The following RAD51C variants were observed in gnomAD, a reference collection of about 807,000 sequenced individuals.
RAD51C encodes DNA repair protein RAD51 homolog 3.
A neutral mutation model predicts 45.0 loss-of-function variants in RAD51C; 42 were observed. That is an observed-to-expected ratio of 0.93 (90% CI 0.73 to 1.21). The LOEUF (loss-of-function observed/expected upper bound fraction) is 1.21. Among genes scored for constraint, RAD51C ranks in the 50% most tolerant of loss-of-function variants. RAD51C has a pLI of 0.00. For missense variants in RAD51C, 474 were observed against 452.2 expected (o/e 1.05, Z -0.44); for synonymous variants, 172 against 159.8 (o/e 1.08, Z -0.58).
At chr17:58,706,541 T>C (rs2048385958) in intron 4 of RAD51C, 1 of 463,812 alleles carries the variant, frequency 2.2e-6, no homozygotes, top group Admixed American at 2.4e-5. Flanking sequence ...GCCCTGCCCC[T>C]TCCTCTCTCT....
chr17:58,697,421 A>G (rs1295037278), intron 3 of RAD51C, among the ~76,000 whole-genome samples: 1 of 151,894 alleles, frequency 6.6e-6, no homozygotes, highest in Non-Finnish European at 1.5e-5. Flanking sequence ...CTGTAATCTC[A>G]GCTACTAAGG....
chr17:58,704,764 C>G (rs2048323250), intron 4 of RAD51C, among the ~76,000 whole-genome samples: 2 of 152,054 alleles, frequency 1.3e-5, no homozygotes, highest in South Asian at 4.1e-4. Context: ...ACATATCGCC[C>G]TTCAGAAAGA....
At chr17:58,707,040 A>G (rs2048400529) in intron 4 of RAD51C, among the ~76,000 whole-genome samples, 2 of 152,186 alleles carry the variant, frequency 1.3e-5, no homozygotes, top group African/African-American at 4.8e-5. Context: ...TAAGTGGTCT[A>G]GGAGAAACCA....
At chr17:58,722,796 C>G (rs970357323) in intron 6 of RAD51C, among the ~76,000 whole-genome samples, 13 of 152,196 alleles carry the variant, frequency 8.5e-5, no homozygotes, top group Non-Finnish European at 1.0e-4. Context: ...GGATGCACAT[C>G]AAAATCTCAT....
At chr17:58,709,149 C>T (rs1394371765) in intron 4 of RAD51C, among the ~76,000 whole-genome samples, 1 of 139,904 alleles carries the variant, frequency 7.1e-6, no homozygotes, top group East Asian at 2.1e-4. Flanking sequence ...GGCTGGAGTA[C>T]AGTGGCGCAA....
chr17:58,706,658 T>C (rs1180316014), intron 4 of RAD51C: 4 of 284,758 alleles, frequency 1.4e-5, no homozygotes, highest in Non-Finnish European at 3.1e-5. Flanking sequence ...CACCATTCTT[T>C]CCTTTTCTTG....
rs1656747724 is a variant in RAD51C, at chr17:58,734,417, T to A, written c.*195T>A. 1.1e-6 allele frequency: 1 copy of A among 911,996 alleles called. No homozygotes were observed. Among genetic ancestry groups the A allele is most frequent in the African/African-American group, 1.7e-5 (1 of 59,436 alleles). The allele number at this position is 911,996 out of a possible 1,614,324, so 56.5% of individuals were successfully genotyped here. On this transcript the variant is annotated 3_prime_UTR_variant, in exon 9 of 9. Transcript: ENST00000337432. ...AAAGCAGTATTCTGCAATTATATTT[T>A]ACCCTGTTTTCATTTTCAGTAACAT...
At chr17:58,696,891 T>G (rs767061748) in intron 3 of RAD51C, 32 bp downstream of exon 3, 1 of 1,609,500 alleles carries the variant, frequency 6.2e-7, no homozygotes, top group African/African-American at 1.3e-5. Context: ...TTTTTTTCTG[T>G]ATTAATAAAA....
chr17:58,705,805 T>A (rs955820073), intron 4 of RAD51C: 7 of 35,290 alleles, frequency 2.0e-4, no homozygotes, highest in East Asian at 7.6e-4. Context: ...AGTTTGCCCC[T>A]GGCCCCTTGC....
chr17:58,707,049 C>T (rs1598480079), intron 4 of RAD51C, among the ~76,000 whole-genome samples: 1 of 152,232 alleles, frequency 6.6e-6, no homozygotes, highest in South Asian at 2.1e-4. Flanking sequence ...TAGGAGAAAC[C>T]AAGCCACTTC....
At chr17:58,704,401 T>C (rs2048312034) in intron 4 of RAD51C, among the ~76,000 whole-genome samples, 1 of 151,994 alleles carries the variant, frequency 6.6e-6, no homozygotes, top group Non-Finnish European at 1.5e-5. Context: ...GCCTCCCAAG[T>C]AGCTGGGACT....
chr17:58,726,679 T>C (rs144799298), intron 7 of RAD51C, among the ~76,000 whole-genome samples: 5 of 151,158 alleles, frequency 3.3e-5, no homozygotes. Flanking sequence ...TACGTATGTA[T>C]ATGTGTGTGT....
intron 5 of RAD51C, 127 bp downstream of exon 5, chr17:58,710,117 C>G: frequency 1.8e-6 from 2 of 1,110,482 alleles, no homozygotes; most frequent in Non-Finnish European, 2.6e-6. Context: ...AGTAAAGTTA[C>G]GTTTGGTTGG....
chr17:58,701,754 C>G (rs558727384), intron 3 of RAD51C, among the ~76,000 whole-genome samples: 1 of 151,070 alleles, frequency 6.6e-6, no homozygotes, highest in Non-Finnish European at 1.5e-5. Flanking sequence ...TATTTTTAGT[C>G]GAGATGTGTT....
At chr17:58,692,825 C>T (rs2143682725) in intron 1 of RAD51C, 37 bp downstream of exon 1, 2 of 1,613,776 alleles carry the variant, frequency 1.2e-6, no homozygotes, top group Non-Finnish European at 1.7e-6. Flanking sequence ...GCACACCGGC[C>T]GCCGTCAGCG....
At chr17:58,717,159 C>A (rs912010716) in intron 5 of RAD51C, among the ~76,000 whole-genome samples, 2 of 151,838 alleles carry the variant, frequency 1.3e-5, no homozygotes, top group Non-Finnish European at 2.9e-5. Context: ...ATAATCCCAG[C>A]ACTTTGGGAG....
intron 4 of RAD51C, among the ~76,000 whole-genome samples, chr17:58,705,303 A>G: frequency 6.6e-6 from 1 of 151,368 alleles, no homozygotes; most frequent in East Asian, 1.9e-4. Flanking sequence ...TAGGGAGGAA[A>G]AGAAGGAGAG....
intron 5 of RAD51C, among the ~76,000 whole-genome samples, chr17:58,719,088 G>T (rs1356175464): frequency 6.6e-6 from 1 of 152,154 alleles, no homozygotes; most frequent in Non-Finnish European, 1.5e-5. Flanking sequence ...GCCAGGCATG[G>T]TGGCAGGCAC....
rs786201848 is a variant in RAD51C at position 58,703,245 on chromosome 17, T to A, written c.621T>A (p.His207Gln). ...TCACTCTTGATAATATTCTTTCTCA[T>A]ATTTATTATTTTCGCTGTCGTGACT... The part of the protein sequence containing the change: ...EDFTLDNILS[H>Q]IYYFRCRDYT... The change falls in exon 4 of 9, where the codon CAT becomes CAA. Residue 207 changes from histidine (H) to glutamine (Q), a missense_variant. Physicochemically the swap from His to Gln is conservative, Grantham distance 24. Coordinates refer to ENST00000337432, the MANE Select transcript of RAD51C (RefSeq NM_058216.3). 11 of 1,607,912 alleles carry A rather than the reference T, an allele frequency of 6.8e-6. No individual in the cohort carries two copies. Among genetic ancestry groups the A allele is most frequent in the Non-Finnish European group, 9.4e-6 (11 of 1,174,474 alleles).
Sources: gnomAD v4.1 joint callset for allele counts (sites outside exome capture counted in the v4.1 genomes callset) on GRCh38, gnomAD v4.1.1 for gene constraint, MANE v1.5 for transcripts, NCBI Gene and HGNC (gene_info 2026-07-23, HGNC 2026-07-21) for gene names.